ARHGAP27: variants seen among roughly 807,000 people sequenced by gnomAD.
ARHGAP27 encodes the protein rho GTPase-activating protein 27.
A neutral mutation model predicts 102.0 loss-of-function variants in ARHGAP27; 53 were observed. That is an observed-to-expected ratio of 0.52 (90% confidence interval 0.42 to 0.65). The LOEUF (loss-of-function observed/expected upper bound fraction) is 0.65. Ranked by LOEUF, ARHGAP27 falls within the 30% of genes least tolerant of loss-of-function variation. The probability of loss-of-function intolerance (pLI) is 0.00; values close to 1 mark genes in which losing one functional copy is unlikely to be tolerated. For missense variants in ARHGAP27, 1,117 were observed against 1,256.2 expected (o/e 0.89, Z 1.68); for synonymous variants, 525 against 542.8 (o/e 0.97, Z 0.46).
Position 45,395,408 on chromosome 17 carries a change from A to C in ARHGAP27, c.*48T>G. The C allele has an allele frequency of 1.3e-6, 2 of 1,522,792 alleles. No individual in the cohort carries two copies. Among genetic ancestry groups the C allele is most frequent in the Non-Finnish European group, 1.8e-6 (2 of 1,130,938 alleles). 94.3% of individuals were successfully genotyped at this position (1,522,792 alleles called of 1,614,324 possible). ...CCCGGCTGCGTGGCCTCCGCCGCCC[A>C]GCTTGTGTGGCAGGACCGCGGCCGC... On this transcript the variant is annotated 3_prime_UTR_variant, in exon 20 of 20. Coordinates refer to ENST00000685559, the MANE Select transcript of ARHGAP27 (RefSeq NM_001282290.2).
intron 4 of ARHGAP27, chr17:45,409,140 G>A (rs1039902543): frequency 3.9e-5 from 6 of 152,544 alleles, no homozygotes; most frequent in South Asian, 2.1e-4. Context: ...TGGAAGCAGC[G>A]GGGAGAGGAA....
At chr17:45,397,242 G>C in intron 13 of ARHGAP27, 1 of 1,416,992 alleles carries the variant, frequency 7.1e-7, no homozygotes. Flanking sequence ...AAGGTGCAGA[G>C]ACAGTCATCC....
chr17:45,414,612 A>ATTTT (rs34746481), intron 4 of ARHGAP27, among the ~76,000 whole-genome samples: 1 of 130,322 alleles, frequency 7.7e-6, no homozygotes, highest in Non-Finnish European at 1.6e-5. Flanking sequence ...CGCCCGGCTA[A>ATTTT]TTTTTTTTTT....
Position 45,405,122 on chromosome 17 carries a change from G to GGT in ARHGAP27, c.1066-18_1066-17dup. On this transcript the variant is annotated splice_polypyrimidine_tract_variant and intron_variant, in intron 5 of 19. Coordinates refer to ENST00000685559, the MANE Select transcript of ARHGAP27 (RefSeq NM_001282290.2). ...GAGTGGGGGGCTGCGGGGAACAGAA[G>GGT]GTGGAGTCAGAGGCTCTGAGTGCCA... is the stretch of plus-strand genomic sequence containing the variant. 1 of 1,558,998 alleles carries GGT rather than the reference G, an allele frequency of 6.4e-7. No individual in the cohort carries two copies. Among genetic ancestry groups the GGT allele is most frequent in the South Asian group, 1.2e-5 (1 of 81,432 alleles).
chr17:45,415,507 T>C (rs2048363509), intron 4 of ARHGAP27, among the ~76,000 whole-genome samples: 1 of 152,144 alleles, frequency 6.6e-6, no homozygotes, highest in African/African-American at 2.4e-5. Context: ...CATCTGGATG[T>C]CCTTTGTACA....
intron 4 of ARHGAP27, among the ~76,000 whole-genome samples, chr17:45,426,012 A>T (rs1288003851): frequency 6.6e-6 from 1 of 152,118 alleles, no homozygotes; most frequent in Non-Finnish European, 1.5e-5. Context: ...CAACTCTTCC[A>T]CAACAGGGCT....
intron 4 of ARHGAP27, chr17:45,429,388 G>A (rs1376502852): frequency 3.0e-6 from 4 of 1,353,268 alleles, no homozygotes; most frequent in South Asian, 3.6e-5. Flanking sequence ...ATTGGATTAC[G>A]AAAAGCCTCT....
rs753128345 is a variant in ARHGAP27, at chr17:45,430,211, G to A, written c.69C>T (p.Asp23=). 1.9e-6 allele frequency: 3 copies of A among 1,561,516 alleles called. No individual in the cohort carries two copies. Among genetic ancestry groups the A allele is most frequent in the Non-Finnish European group, 2.6e-6 (3 of 1,161,656 alleles). ...VEHPFEYTGK[D]GRRVAIRPNE... The stretch of plus-strand genomic sequence containing the variant: ...TCGGCCGGATGGCCACGCGGCGCCC[G>A]TCCTTGCCGGTGTACTCGAAGGGGT... Residue 23 remains aspartate (D), a synonymous_variant, in exon 4 of 20, where the codon GAC becomes GAT. Coordinates refer to ENST00000685559, the MANE Select transcript of ARHGAP27 (RefSeq NM_001282290.2). This position sits in a 1 kb window ranked among gnomAD's most constrained non-coding sequence, Gnocchi z 4.4.
intron 4 of ARHGAP27, among the ~76,000 whole-genome samples, chr17:45,417,280 A>G (rs1227967699): frequency 1.3e-5 from 2 of 151,462 alleles, no homozygotes; most frequent in Non-Finnish European, 2.9e-5. Flanking sequence ...CCTGACCAAC[A>G]TGGCGAAACC....
intron 4 of ARHGAP27, among the ~76,000 whole-genome samples, chr17:45,406,679 G>T (rs1326857216): frequency 1.3e-5 from 2 of 152,038 alleles, no homozygotes; most frequent in Non-Finnish European, 2.9e-5. Flanking sequence ...TTTGAGATGG[G>T]GTCTAGCTCT....
Position 45,396,784 on chromosome 17 carries a change from G to C in ARHGAP27, c.1958C>G (p.Pro653Arg). 6.2e-7 allele frequency: 1 copy of C among 1,611,306 alleles called. No individual in the cohort carries two copies. Among genetic ancestry groups the C allele is most frequent in the East Asian group, 2.2e-5 (1 of 44,802 alleles). Residue 653 changes from proline (P) to arginine (R), a missense_variant, in exon 15 of 20, where the codon CCC becomes CGC. Transcript: ENST00000685559. The stretch of plus-strand genomic sequence containing the variant: ...CTCCAGGCCCACGGGGCCCAGGGCG[G>C]GCGCGGCTGCCGCGGGGAAAGGCAG... ...EEDARPNAAA[P>R]ALGPVGLESD...
At chr17:45,399,516 C>T (rs1432558926) in intron 12 of ARHGAP27, among the ~76,000 whole-genome samples, 2 of 151,734 alleles carry the variant, frequency 1.3e-5, no homozygotes, top group Non-Finnish European at 2.9e-5. Context: ...CGCTTGAACC[C>T]GGGAGGCAGA....
At chr17:45,398,118 G>A (rs928828057) in intron 12 of ARHGAP27, 71 bp from the exon 13 acceptor site, 2 of 1,340,812 alleles carry the variant, frequency 1.5e-6, no homozygotes, top group African/African-American at 1.4e-5. Flanking sequence ...CCTAGTTGGG[G>A]GTAGGTACAG....
chr17:45,425,179 G>A (rs2049452390), intron 4 of ARHGAP27, among the ~76,000 whole-genome samples: 2 of 151,868 alleles, frequency 1.3e-5, no homozygotes, highest in South Asian at 4.2e-4. Flanking sequence ...ACTGGGTCAG[G>A]TGTAAAGAAA....
intron 4 of ARHGAP27, among the ~76,000 whole-genome samples, chr17:45,416,137 C>A (rs138638245): frequency 0.036 from 5,512 of 151,964 alleles, 343 homozygotes; most frequent in African/African-American, 0.13. Context: ...GCTCCGCCTC[C>A]CGGGTTCACG....
intron 4 of ARHGAP27, among the ~76,000 whole-genome samples, chr17:45,422,970 C>A (rs2144964389): frequency 6.6e-6 from 1 of 152,216 alleles, no homozygotes; most frequent in African/African-American, 2.4e-5. Flanking sequence ...CACTTGAGGT[C>A]AGGAGTTGCA....
At chr17:45,398,898 C>G (rs1192630929) in intron 12 of ARHGAP27, among the ~76,000 whole-genome samples, 1 of 152,140 alleles carries the variant, frequency 6.6e-6, no homozygotes, top group Non-Finnish European at 1.5e-5. Context: ...ACTGAGGACT[C>G]AGAAACGTTG....
In ARHGAP27 at chr17:45,395,543, C is replaced by T; in HGVS notation, c.2583G>A (p.Glu861=). ...ACACCATGGTCATGGGCATGCTGGT[C>T]TCTTCCACCTCGGGCCGCAGCAGCG... The part of the protein sequence containing the change: ...GPTLLRPEVE[E]TSMPMTMVFQ... The change falls in exon 20 of 20, where the codon GAG becomes GAA. Residue 861 remains glutamate (E), a synonymous_variant. Transcript: ENST00000685559. 6.2e-7 allele frequency: 1 copy of T among 1,603,016 alleles called. No homozygotes were observed. Among genetic ancestry groups the T allele is most frequent in the South Asian group, 1.1e-5 (1 of 88,784 alleles).
At chr17:45,416,607 G>A (rs2048485150) in intron 4 of ARHGAP27, among the ~76,000 whole-genome samples, 1 of 150,768 alleles carries the variant, frequency 6.6e-6, no homozygotes, top group Non-Finnish European at 1.5e-5. Context: ...GGAGTACAGT[G>A]GCGCAATCTT....
Sources: gnomAD v4.1 joint callset for allele counts (sites outside exome capture counted in the v4.1 genomes callset) on GRCh38, gnomAD v4.1.1 for gene constraint, Gnocchi (gnomAD v3.1) non-coding constraint, MANE v1.5 for transcripts, NCBI Gene and HGNC (gene_info 2026-07-23, HGNC 2026-07-21) for gene names.